Variants in ANK3 observed in about 807,000 individuals in gnomAD.
ANK3 encodes the protein ankyrin-3.
ANK3 carries 57 observed loss-of-function variants against 370.9 expected under a neutral mutation model. The observed-to-expected ratio is 0.15, with a 90% CI of 0.12 to 0.19. The LOEUF (loss-of-function observed/expected upper bound fraction) is 0.19. Ranked by LOEUF, ANK3 falls within the 10% of genes least tolerant of loss-of-function variation. The pLI is 1.00. For missense variants in ANK3, 4,439 were observed against 5,302.1 expected, an observed-to-expected ratio of 0.84 and a Z score of 5.06; for synonymous variants, 1,929 against 1,946.3, an observed-to-expected ratio of 0.99 and a Z score of 0.23.
chr10:60,408,452 A>G (rs1052826283), intron 2 of ANK3, among the ~76,000 whole-genome samples: 1 of 152,042 alleles, frequency 6.6e-6, no homozygotes, highest in Non-Finnish European at 1.5e-5. Context: ...AGCCATGTGA[A>G]GATGCTCGCT....
intron 2 of ANK3, among the ~76,000 whole-genome samples, chr10:60,556,619 A>G (rs2077212168): frequency 1.3e-5 from 2 of 152,230 alleles, no homozygotes; most frequent in Admixed American, 1.3e-4. Flanking sequence ...GAATATATAC[A>G]AAATTTTTAC....
At chr10:60,391,161 C>T (rs187310170), upstream of ANK3, among the ~76,000 whole-genome samples, 12 of 152,322 alleles carry the variant, frequency 7.9e-5, no homozygotes, top group African/African-American at 2.6e-4. Flanking sequence ...CATCCCATTC[C>T]TACTACCAAT....
intron 2 of ANK3, among the ~76,000 whole-genome samples, chr10:60,436,017 G>A (rs1595030222): frequency 6.6e-6 from 1 of 152,196 alleles, no homozygotes; most frequent in Non-Finnish European, 1.5e-5. Context: ...GAACCCGGAA[G>A]GCGGAGCTTG....
Position 60,073,299 on chromosome 10 carries a change from C to T in ANK3, c.7582G>A (p.Gly2528Ser), listed in dbSNP as rs1264766812. The change falls in exon 37 of 44, where the codon GGT becomes AGT. Residue 2528 changes from glycine (G) to serine (S), a missense_variant. Around this residue, in one of 13 missense-constraint regions of ANK3, gnomAD observed 1,601 missense variants for 1,731.7 expected, o/e 0.92. Coordinates refer to ENST00000280772, the MANE Select transcript of ANK3 (RefSeq NM_020987.5). ...IYKDVSENGV[G>S]KVSKDEHFDK... ...AAATGCTCATCTTTAGACACTTTAC[C>T]TACACCATTTTCAGAAACATCTTTA... 12 of 1,613,918 alleles carry T rather than the reference C, an allele frequency of 7.4e-6. No individual in the cohort carries two copies. The highest frequency in any genetic ancestry group is 1.3e-5 in the African/African-American group (1 of 74,894).
chr10:60,035,549 G>A lies in ANK3; in HGVS notation c.*20-5723C>T, dbSNP rs540725304. Among the ~76,000 whole-genome samples, 31 of 150,980 alleles carry A rather than the reference G, an allele frequency of 2.1e-4. No individual in the cohort carries two copies. The East Asian group carries it at 3.6e-3, about 18-fold the overall frequency. On this transcript the variant is annotated intron_variant, in intron 43 of 43. Coordinates refer to ENST00000280772, the MANE Select transcript of ANK3 (RefSeq NM_020987.5). ...ATTACAGGTGTGAGCCACTGCGCCC[G>A]GCCAAAAAGAGAGCCACAAAGCTTT...
rs897103813 is a variant in ANK3 at position 60,542,316 on chromosome 10, T to C, written c.96+72870A>G. On this transcript the variant is annotated intron_variant, in intron 2 of 43. Coordinates refer to the ANK3 transcript ENST00000373827. ...TATTACAGTTACAATAGCAGAAATT[T>C]ACCCCACATCCAACCTTAATCTTCC... is the stretch of plus-strand genomic sequence containing the variant. Among the ~76,000 whole-genome samples, 6 of 151,882 alleles carry C rather than the reference T, an allele frequency of 4.0e-5. No individual in the cohort carries two copies. The East Asian group carries it at 9.7e-4, about 24-fold the overall frequency.
chr10:60,416,661 T>C (rs976190335), intron 2 of ANK3, among the ~76,000 whole-genome samples: 9 of 152,244 alleles, frequency 5.9e-5, no homozygotes, highest in African/African-American at 2.2e-4. Flanking sequence ...TTACATGTAT[T>C]AACATTTTTA....
In ANK3 at chr10:60,082,190, G is replaced by A. The variant is rs754932518; in HGVS notation, c.4324-14C>T. 6.2e-7 allele frequency: 1 copy of A among 1,606,296 alleles called. No individual in the cohort carries two copies. The highest frequency in any genetic ancestry group is 8.5e-7 in the Non-Finnish European group (1 of 1,174,494). ...TGACTCTGTCTCCTTTTGGTTCCAA[G>A]ATGCATTGCAGAGACAAGGAATATT... On this transcript the variant is annotated splice_polypyrimidine_tract_variant and intron_variant, in intron 34 of 43. Transcript: ENST00000280772.
At chr10:60,480,267 T>C (rs1475011611) in intron 2 of ANK3, among the ~76,000 whole-genome samples, 1 of 152,160 alleles carries the variant, frequency 6.6e-6, no homozygotes, top group African/African-American at 2.4e-5. Context: ...TCAAGACCTA[T>C]TAGGTTTACA....
At chr10:60,249,098 C>T (rs2097602537) in intron 7 of ANK3, among the ~76,000 whole-genome samples, 1 of 152,072 alleles carries the variant, frequency 6.6e-6, no homozygotes, top group South Asian at 2.1e-4. Context: ...TCAAAAGTAG[C>T]CTGCTATCTG....
At chr10:60,035,873 AATATT>A (rs2074848669) in intron 43 of ANK3, among the ~76,000 whole-genome samples, 1 of 151,324 alleles carries the variant, frequency 6.6e-6, no homozygotes, top group Admixed American at 6.6e-5. Flanking sequence ...TAAAATAAAA[AATATT>A]ATATATTTTT....
exon 1 of ANK3, chr10:60,733,337 G>A: frequency 8.1e-7 from 1 of 1,233,274 alleles, no homozygotes; most frequent in Non-Finnish European, 1.0e-6. Flanking sequence ...GGCTGCTGCT[G>A]CTGCTCCTTC....
At chr10:60,451,414 A>C (rs756402682) in intron 2 of ANK3, among the ~76,000 whole-genome samples, 2 of 152,156 alleles carry the variant, frequency 1.3e-5, no homozygotes, top group East Asian at 1.9e-4. Flanking sequence ...TTGGCCTAGA[A>C]TTTGGTGAGG....
chr10:60,116,010 TAAGAG>T (rs2093051151), intron 25 of ANK3, among the ~76,000 whole-genome samples: 1 of 151,990 alleles, frequency 6.6e-6, no homozygotes, highest in African/African-American at 2.4e-5. Context: ...ACAGAGAGAA[TAAGAG>T]AAAACACATC....
intron 4 of ANK3, 47 bp downstream of exon 4, chr10:60,278,727 T>C: frequency 6.8e-7 from 1 of 1,471,312 alleles, no homozygotes; most frequent in Non-Finnish European, 9.5e-7. Context: ...AAGAACATTG[T>C]TTGTAAATGA....
chr10:60,294,924 A>C (rs887567600), intron 1 of ANK3, among the ~76,000 whole-genome samples: 11 of 152,214 alleles, frequency 7.2e-5, no homozygotes, highest in African/African-American at 2.4e-4. Context: ...AGTAAAGAAA[A>C]TAAGGAAGGA....
chr10:60,690,170 G>A (rs2079330481), intron 1 of ANK3, among the ~76,000 whole-genome samples: 1 of 152,182 alleles, frequency 6.6e-6, no homozygotes, highest in South Asian at 2.1e-4. Context: ...CAAGATCAAA[G>A]CAGAAAACGG....
At chr10:60,659,491 T>C (rs1036344383) in intron 1 of ANK3, among the ~76,000 whole-genome samples, 3 of 152,102 alleles carry the variant, frequency 2.0e-5, no homozygotes, top group Admixed American at 6.6e-5. Flanking sequence ...TGCAAGAGAG[T>C]TTGTGTGACC....
Position 60,389,443 on chromosome 10 carries a change from G to A in ANK3, c.96C>T (p.Ser32=). 1 of 1,613,732 alleles carries A rather than the reference G, an allele frequency of 6.2e-7. No individual in the cohort carries two copies. Among genetic ancestry groups the A allele is most frequent in the Non-Finnish European group, 8.5e-7 (1 of 1,179,914 alleles). Residue 32 remains serine (S), a synonymous_variant, in exon 1 of 44, where the codon TCC becomes TCT. Coordinates refer to ENST00000280772, the MANE Select transcript of ANK3 (RefSeq NM_020987.5). ...TAGATACCTTTTTCTTCCGATCCCG[G>A]GACCGTTTGCGGTGTTTCCTTTTTT... is the stretch of plus-strand genomic sequence containing the variant. ...PEKKRKHRKR[S]RDRKKKSDAN...
Sources: gnomAD v4.1 joint callset for allele counts (sites outside exome capture counted in the v4.1 genomes callset) on GRCh38, gnomAD v4.1.1 for gene constraint, gnomAD v4.1.1 regional missense constraint, MANE v1.5 for transcripts, NCBI Gene and HGNC (gene_info 2026-07-23, HGNC 2026-07-21) for gene names.